The following ESRP1 variants were observed in gnomAD, a reference collection of about 807,000 sequenced individuals.
ESRP1 encodes the protein RNA-binding motif protein 35A.
Under a neutral mutation model 81.7 loss-of-function variants are expected in ESRP1, and 33 were observed. That is an observed-to-expected ratio of 0.40 (90% CI 0.31 to 0.54). The LOEUF (loss-of-function observed/expected upper bound fraction) is 0.54. ESRP1 is among the 20% of genes least tolerant of loss of function. ESRP1 has a pLI of 0.41. For synonymous variants in ESRP1, 320 were observed against 303.3 expected (o/e 1.06, Z -0.57); for missense variants, 672 against 833.1 (o/e 0.81, Z 2.38).
At chr8:94,682,904 T>TTA (rs1170938965) in intron 13 of ESRP1, among the ~76,000 whole-genome samples, 1,375 of 29,810 alleles carry the variant, frequency 0.046, 82 homozygotes, top group South Asian at 0.078. Flanking sequence ...ATTCATTATT[T>TTA]TATATATATA....
chr8:94,651,239 CTTTTT>C (rs35413910), intron 4 of ESRP1, among the ~76,000 whole-genome samples: 4 of 102,780 alleles, frequency 3.9e-5, no homozygotes, highest in East Asian at 6.1e-4. Flanking sequence ...ATAGTGTGGT[CTTTTT>C]TTTTTTTTTT....
intron 4 of ESRP1, among the ~76,000 whole-genome samples, chr8:94,657,301 C>T (rs1818473443): frequency 6.6e-6 from 1 of 152,204 alleles, no homozygotes; most frequent in African/African-American, 2.4e-5. Flanking sequence ...GGCACAGACT[C>T]ATCTTTCCTT....
intron 3 of ESRP1, 136 bp from the exon 4 acceptor site, chr8:94,646,028 AAAAT>A (rs1817831031): frequency 1.1e-5 from 6 of 537,864 alleles, no homozygotes; most frequent in South Asian, 2.6e-5. Flanking sequence ...CCAACTTTTA[AAAAT>A]AAATCTACTT....
intron 4 of ESRP1, among the ~76,000 whole-genome samples, chr8:94,661,021 T>C (rs1215949647): frequency 6.6e-6 from 1 of 152,048 alleles, no homozygotes; most frequent in Non-Finnish European, 1.5e-5. Flanking sequence ...ATGATTAACA[T>C]GTTTTAGCAA....
At chr8:94,695,945 C>A (rs1163806914) in intron 14 of ESRP1, among the ~76,000 whole-genome samples, 3 of 152,118 alleles carry the variant, frequency 2.0e-5, no homozygotes, top group South Asian at 4.1e-4. Context: ...TGCCTGTAGT[C>A]CCAGCTACTC....
intron 7 of ESRP1, 37 bp downstream of exon 7, chr8:94,664,844 C>T (rs1250364882): frequency 1.2e-6 from 2 of 1,610,550 alleles, no homozygotes; most frequent in African/African-American, 2.7e-5. Flanking sequence ...CTTAACAATC[C>T]CAAAGGGATA....
intron 10 of ESRP1, 183 bp downstream of exon 10, chr8:94,668,433 A>C (rs1819132357): frequency 2.0e-6 from 1 of 493,818 alleles, no homozygotes; most frequent in Non-Finnish European, 3.5e-6. Flanking sequence ...ACACACACAC[A>C]ACACATACTA....
chr8:94,677,490 T>A (rs1281063481), intron 12 of ESRP1, among the ~76,000 whole-genome samples: 1 of 152,254 alleles, frequency 6.6e-6, no homozygotes, highest in Admixed American at 6.5e-5. Context: ...GCCCATTTTT[T>A]AATTTAATCT....
chr8:94,690,299 T>A (rs1809344711), intron 13 of ESRP1, among the ~76,000 whole-genome samples: 1 of 113,592 alleles, frequency 8.8e-6, no homozygotes, highest in African/African-American at 3.7e-5. Context: ...TTTTTTTTTT[T>A]TTTTTGGATT....
chr8:94,700,937 A>ATGTGTGTGTGTG (rs1158857032), intron 15 of ESRP1, among the ~76,000 whole-genome samples: 1 of 125,740 alleles, frequency 8.0e-6, no homozygotes, highest in African/African-American at 3.7e-5. Context: ...TCAAAAAAAA[A>ATGTGTGTGTGTG]TGTGTGTGTG....
At chr8:94,662,027 A>G (rs1818774429) in intron 4 of ESRP1, among the ~76,000 whole-genome samples, 1 of 152,174 alleles carries the variant, frequency 6.6e-6, no homozygotes, top group Non-Finnish European at 1.5e-5. Flanking sequence ...ATTTGCTACA[A>G]CTGGGTAAAT....
chr8:94,696,219 T>C (rs955128270), intron 14 of ESRP1, among the ~76,000 whole-genome samples: 1 of 152,266 alleles, frequency 6.6e-6, no homozygotes, highest in African/African-American at 2.4e-5. Flanking sequence ...TTAGATGATG[T>C]GTTTTCATAC....
chr8:94,696,712 T>C (rs888617401), intron 14 of ESRP1, 140 bp from the exon 15 acceptor site: 4 of 573,576 alleles, frequency 7.0e-6, no homozygotes, highest in Admixed American at 7.1e-5. Context: ...TTAGTAGATA[T>C]GTATATGGCT....
At chr8:94,651,271 C>T (rs78267033) in intron 4 of ESRP1, among the ~76,000 whole-genome samples, 2,575 of 105,374 alleles carry the variant, frequency 0.024, 89 homozygotes, top group African/African-American at 0.088. Flanking sequence ...TGGGCAAAGT[C>T]TCACTTTTGC....
At chr8:94,692,867 T>A (rs756740989) in intron 14 of ESRP1, 40 bp downstream of exon 14, 1 of 1,589,968 alleles carries the variant, frequency 6.3e-7, no homozygotes, top group Non-Finnish European at 8.6e-7. Context: ...GTGCCCTTAT[T>A]ACTTAAGTTG....
intron 6 of ESRP1, among the ~76,000 whole-genome samples, chr8:94,663,829 G>T (rs1174326195): frequency 1.3e-5 from 2 of 152,136 alleles, no homozygotes; most frequent in Middle Eastern, 3.2e-3. Context: ...TATAATAAGT[G>T]ATTTGCAAAT....
At chr8:94,705,832 T>C in intron 15 of ESRP1, 93 bp from the exon 16 acceptor site, 1 of 1,154,200 alleles carries the variant, frequency 8.7e-7, no homozygotes. Flanking sequence ...ACAAAGTCCT[T>C]GTGGAATTTG....
In ESRP1 at chr8:94,657,522, A is replaced by C. The variant is rs144433869; in HGVS notation, c.491-4750A>C. ...GTGTGTGTAAGGAGATGGCTTGGGCATTCAGGAGGTTGGGTGACTTTTACA... is the reference window on the plus strand; with the variant it reads ...GTGTGTGTAAGGAGATGGCTTGGGCCTTCAGGAGGTTGGGTGACTTTTACA... On this transcript the variant is annotated intron_variant, in intron 4 of 15. Transcript: ENST00000433389. Among the ~76,000 whole-genome samples the C allele has an allele frequency of 7.9e-3, 1,144 of 145,552 alleles. 10 individuals carry two copies. The highest frequency in any genetic ancestry group is 0.013 in the South Asian group (60 of 4,644).
chr8:94,651,897 C>T (rs769691930), intron 4 of ESRP1, among the ~76,000 whole-genome samples: 4 of 151,956 alleles, frequency 2.6e-5, no homozygotes, highest in African/African-American at 4.8e-5. Flanking sequence ...AGGCGTGAGC[C>T]GCCACACTTG....
Sources: gnomAD v4.1 joint callset for allele counts (sites outside exome capture counted in the v4.1 genomes callset) on GRCh38, gnomAD v4.1.1 for gene constraint, MANE v1.5 for transcripts, NCBI Gene and HGNC (gene_info 2026-07-23, HGNC 2026-07-21) for gene names.